Variants in TTC27 observed in about 807,000 individuals in gnomAD.
TTC27 encodes tetratricopeptide repeat domain 27, also known as tetratricopeptide repeat protein 27.
TTC27 carries 79 observed loss-of-function variants against 115.9 expected under a neutral mutation model. The observed-to-expected ratio is 0.68, with a 90% CI of 0.57 to 0.82. TTC27 has a LOEUF of 0.82. Among genes scored for constraint, TTC27 ranks in the 40% least tolerant of loss-of-function variants. The pLI is 0.00. For synonymous variants in TTC27, 401 were observed against 356.0 expected (o/e 1.13, Z -1.42); for missense variants, 1,054 against 993.1 (o/e 1.06, Z -0.82).
chr2:32,682,276 C>T (rs1666458276), intron 9 of TTC27, among the ~76,000 whole-genome samples: 1 of 152,228 alleles, frequency 6.6e-6, no homozygotes, highest in South Asian at 2.1e-4. Flanking sequence ...CTAGGAATAA[C>T]CATCTGTTTC....
chr2:32,800,000 G>C (rs1235507324), intron 16 of TTC27, among the ~76,000 whole-genome samples: 1 of 152,206 alleles, frequency 6.6e-6, no homozygotes, highest in Non-Finnish European at 1.5e-5. Context: ...GTCACTGGCT[G>C]CGTCGCCTTG....
intron 10 of TTC27, among the ~76,000 whole-genome samples, chr2:32,708,868 A>G (rs1667476861): frequency 6.6e-6 from 1 of 152,162 alleles, no homozygotes. Context: ...CCTGTTGGGT[A>G]TATAATACAT....
intron 18 of TTC27, among the ~76,000 whole-genome samples, chr2:32,816,566 C>T (rs150637433): frequency 5.1e-4 from 78 of 152,292 alleles, no homozygotes; most frequent in Admixed American, 1.2e-3. Flanking sequence ...CCAGGAAGAA[C>T]GATGCCTTCT....
intron 13 of TTC27, 108 bp downstream of exon 13, chr2:32,758,627 T>A: frequency 9.6e-7 from 1 of 1,043,194 alleles, no homozygotes; most frequent in South Asian, 1.6e-5. Context: ...GTGAGTTTGT[T>A]TTTGACAGCT....
chr2:32,701,983 C>T (rs1419961647), intron 9 of TTC27, among the ~76,000 whole-genome samples: 1 of 148,518 alleles, frequency 6.7e-6, no homozygotes, highest in Non-Finnish European at 1.5e-5. Flanking sequence ...TGCACTCCAG[C>T]CTCAGTGACA....
At chr2:32,675,828 G>C (rs1448663671) in intron 8 of TTC27, among the ~76,000 whole-genome samples, 1 of 151,522 alleles carries the variant, frequency 6.6e-6, no homozygotes, top group African/African-American at 2.4e-5. Context: ...TTTCACTCTT[G>C]TTGGCCAGGC....
intron 10 of TTC27, among the ~76,000 whole-genome samples, chr2:32,708,126 T>C (rs892455689): frequency 6.6e-6 from 1 of 152,014 alleles, no homozygotes; most frequent in African/African-American, 2.4e-5. Flanking sequence ...ATGGGTTTTC[T>C]TTTGCCTCTG....
intron 18 of TTC27, among the ~76,000 whole-genome samples, chr2:32,815,819 A>C (rs931768298): frequency 6.6e-6 from 1 of 152,170 alleles, no homozygotes; most frequent in Non-Finnish European, 1.5e-5. Context: ...CCTTTTGAAA[A>C]TGGGCTTAAC....
chr2:32,741,658 C>CA (rs1231739522), intron 12 of TTC27, among the ~76,000 whole-genome samples: 1 of 59,938 alleles, frequency 1.7e-5, no homozygotes, highest in Non-Finnish European at 3.6e-5. Context: ...ATAAAAAAAA[C>CA]AAAAAACAAA....
At chr2:32,674,850 T>G (rs1666141175) in intron 8 of TTC27, among the ~76,000 whole-genome samples, 1 of 151,880 alleles carries the variant, frequency 6.6e-6, no homozygotes, top group Admixed American at 6.6e-5. Context: ...ATTTGGTAGA[T>G]ATGGGGTTTC....
intron 5 of TTC27, among the ~76,000 whole-genome samples, chr2:32,661,128 A>G (rs1478241050): frequency 1.3e-5 from 2 of 152,158 alleles, no homozygotes. Context: ...ATTGGTCTAT[A>G]TATCTGTTTT....
intron 10 of TTC27, among the ~76,000 whole-genome samples, chr2:32,730,099 C>T (rs1261581804): frequency 6.6e-6 from 1 of 152,108 alleles, no homozygotes; most frequent in Admixed American, 6.5e-5. Flanking sequence ...GCATTCAGTC[C>T]CATTCTCACA....
chr2:32,682,123 T>C (rs1666452992), intron 9 of TTC27, among the ~76,000 whole-genome samples: 2 of 151,898 alleles, frequency 1.3e-5, no homozygotes, highest in African/African-American at 4.8e-5. Flanking sequence ...GCTTCAATGC[T>C]TTACTCATAG....
At chr2:32,798,715 AT>A (rs67681062) in intron 16 of TTC27, among the ~76,000 whole-genome samples, 52,594 of 127,640 alleles carry the variant, frequency 0.41, 10,168 homozygotes, top group South Asian at 0.55. Flanking sequence ...AAAAAAAAAA[AT>A]AATAATAATA....
rs113989357 is a variant in TTC27, at chr2:32,664,330, A to G, written c.668A>G (p.Asp223Gly). The change falls in exon 6 of 20, where the codon GAT becomes GGT. Residue 223 changes from aspartate to glycine, a missense_variant. Asp to Gly is a moderately conservative substitution (Grantham distance 94, BLOSUM62 -1). Transcript: ENST00000317907. ...QVMKLQNLFV[D>G]DSGRYLAIQF... ...ATGAAACTACAGAATCTGTTTGTAG[A>G]TGATTCAGGTCGATATTTGGCTATT... 10 of 1,606,540 alleles carry G rather than the reference A, an allele frequency of 6.2e-6. No homozygotes were observed. In the African/African-American group the frequency reaches 6.7e-5, roughly 11 times the overall value.
intron 2 of TTC27, among the ~76,000 whole-genome samples, chr2:32,631,063 G>C (rs1015756266): frequency 6.6e-6 from 1 of 152,136 alleles, no homozygotes; most frequent in South Asian, 2.1e-4. Context: ...CAGTGCTTTC[G>C]GAGGCCGAGG....
At chr2:32,683,639 G>A (rs1172135705) in intron 9 of TTC27, among the ~76,000 whole-genome samples, 1 of 152,164 alleles carries the variant, frequency 6.6e-6, no homozygotes, top group Non-Finnish European at 1.5e-5. Context: ...TATTATATCT[G>A]CATGTTGCAG....
intron 10 of TTC27, among the ~76,000 whole-genome samples, chr2:32,720,801 A>T (rs1467011994): frequency 6.6e-6 from 1 of 152,206 alleles, no homozygotes; most frequent in African/African-American, 2.4e-5. Context: ...GCTTTCCTTT[A>T]TATTATGAAC....
intron 12 of TTC27, among the ~76,000 whole-genome samples, 161 bp from the exon 13 acceptor site, chr2:32,758,131 C>G (rs75098914): frequency 6.6e-6 from 1 of 152,036 alleles, no homozygotes; most frequent in South Asian, 2.1e-4. Flanking sequence ...TATTTTGTAT[C>G]GGTCCTCTTA....
Sources: gnomAD v4.1 joint callset for allele counts (sites outside exome capture counted in the v4.1 genomes callset) on GRCh38, gnomAD v4.1.1 for gene constraint, MANE v1.5 for transcripts, NCBI Gene and HGNC (gene_info 2026-07-23, HGNC 2026-07-21) for gene names.